The following MRC2 variants were observed in gnomAD, a reference collection of about 807,000 sequenced individuals.
MRC2 encodes C-type mannose receptor 2.
Under a neutral mutation model 206.2 loss-of-function variants are expected in MRC2, and 84 were observed. The ratio of observed to expected loss-of-function variants is 0.41; its 90% CI spans 0.34 to 0.49. The LOEUF is 0.49. Ranked by LOEUF, MRC2 falls within the 20% of genes least tolerant of loss-of-function variation. The pLI is 0.31. For missense variants in MRC2, 1,676 were observed against 2,001.5 expected (o/e 0.84, Z 3.10); for synonymous variants, 798 against 800.0 (o/e 1.00, Z 0.04).
At chr17:62,668,595 A>G (rs1173904227) in intron 6 of MRC2, among the ~76,000 whole-genome samples, 1 of 152,120 alleles carries the variant, frequency 6.6e-6, no homozygotes, top group Non-Finnish European at 1.5e-5. Flanking sequence ...CAGATGATTC[A>G]TGTGCAGACA....
intron 1 of MRC2, among the ~76,000 whole-genome samples, chr17:62,635,944 C>T (rs1232125054): frequency 3.9e-5 from 6 of 152,014 alleles, no homozygotes; most frequent in Non-Finnish European, 7.4e-5. Flanking sequence ...CCCGCCACCA[C>T]GCCCGGCTAA....
intron 18 of MRC2, 145 bp downstream of exon 18, chr17:62,681,274 T>C: frequency 1.1e-6 from 1 of 939,418 alleles, no homozygotes; most frequent in South Asian, 1.7e-5. Context: ...TTTCTGGGCC[T>C]TGGTTTTCTC....
intron 1 of MRC2, among the ~76,000 whole-genome samples, chr17:62,635,191 C>CTTT (rs35446845): frequency 0.029 from 2,985 of 101,648 alleles, 218 homozygotes; most frequent in African/African-American, 0.11. Flanking sequence ...CTATTTTTCT[C>CTTT]TTTTTTTTTT....
At chr17:62,650,858 C>T (rs187336746) in intron 1 of MRC2, among the ~76,000 whole-genome samples, 7 of 152,156 alleles carry the variant, frequency 4.6e-5, no homozygotes, top group South Asian at 2.1e-4. Flanking sequence ...ATTTCATTGT[C>T]GGTATTGACG....
At chr17:62,644,650 T>A (rs189254773) in intron 1 of MRC2, among the ~76,000 whole-genome samples, 8 of 152,286 alleles carry the variant, frequency 5.3e-5, no homozygotes, top group Admixed American at 4.6e-4. Context: ...TTGTGTCCTG[T>A]TCCCAGTACC....
chr17:62,642,368 C>CCAAAAGGGA (rs2088417073), intron 1 of MRC2, among the ~76,000 whole-genome samples: 1 of 152,210 alleles, frequency 6.6e-6, no homozygotes, highest in Non-Finnish European at 1.5e-5. Flanking sequence ...CATTCTGTCA[C>CCAAAAGGGA]ACCAATGTCA....
chr17:62,629,863 A>T (rs2084202519), intron 1 of MRC2, among the ~76,000 whole-genome samples: 1 of 152,220 alleles, frequency 6.6e-6, no homozygotes, highest in Non-Finnish European at 1.5e-5. Flanking sequence ...GGCGAGGCTT[A>T]TGCCAGGCAG....
At chr17:62,665,251 T>A (rs2088735652) in intron 2 of MRC2, among the ~76,000 whole-genome samples, 3 of 151,744 alleles carry the variant, frequency 2.0e-5, no homozygotes, top group Admixed American at 2.0e-4. Context: ...AATTCAAAAA[T>A]TAGCCAGGTG....
At chr17:62,629,080 C>G (rs918360812) in intron 1 of MRC2, among the ~76,000 whole-genome samples, 1 of 152,228 alleles carries the variant, frequency 6.6e-6, no homozygotes, top group Non-Finnish European at 1.5e-5. Flanking sequence ...CCGGAGACCC[C>G]CGGGGCAATT....
chr17:62,646,145 C>T (rs535992629), intron 1 of MRC2, among the ~76,000 whole-genome samples: 1 of 151,916 alleles, frequency 6.6e-6, no homozygotes, highest in Non-Finnish European at 1.5e-5. Context: ...CTGCCTCAGC[C>T]TCCCAAGTAG....
intron 18 of MRC2, 85 bp from the exon 19 acceptor site, chr17:62,681,752 C>A (rs1598994069): frequency 2.8e-6 from 3 of 1,065,078 alleles, no homozygotes; most frequent in Non-Finnish European, 4.2e-6. Context: ...TCCCTGCCCC[C>A]ATTCCTGCGG....
At chr17:62,678,426 TGGTG>T in intron 12 of MRC2, 74 bp from the exon 13 acceptor site, 1 of 1,548,490 alleles carries the variant, frequency 6.5e-7, no homozygotes, top group Non-Finnish European at 8.7e-7. Context: ...TCCTCTGCCA[TGGTG>T]GGAAAGGCAG....
chr17:62,681,976 G>A lies in MRC2; in HGVS notation c.2803+39G>A, dbSNP rs2088973663. The A allele has an allele frequency of 5.8e-6, 9 of 1,558,516 alleles. No homozygotes were observed. The Admixed American group carries it at 1.4e-4, about 24-fold the overall frequency. On this transcript the variant is annotated intron_variant, in intron 19 of 29. Coordinates refer to ENST00000303375, the MANE Select transcript of MRC2 (RefSeq NM_006039.5). ...GGGGGCAGAGTGCGCAGTCAGCTGTGCAAAGGGTTAATGCTGGGCGAGCCT... is the reference window on the plus strand; with the variant it reads ...GGGGGCAGAGTGCGCAGTCAGCTGTACAAAGGGTTAATGCTGGGCGAGCCT...
chr17:62,655,222 C>G (rs908732993), intron 1 of MRC2, among the ~76,000 whole-genome samples: 1 of 148,994 alleles, frequency 6.7e-6, no homozygotes, highest in Admixed American at 6.8e-5. Context: ...AGGGGTGGAG[C>G]CTGCAGTGAG....
intron 1 of MRC2, among the ~76,000 whole-genome samples, chr17:62,631,939 C>T (rs1200912972): frequency 1.3e-5 from 2 of 152,170 alleles, no homozygotes; most frequent in African/African-American, 2.4e-5. Flanking sequence ...GACCTCCCCA[C>T]CGTGTCTCCA....
intron 20 of MRC2, among the ~76,000 whole-genome samples, chr17:62,688,013 G>C (rs543496778): frequency 6.6e-6 from 1 of 152,300 alleles, no homozygotes; most frequent in South Asian, 2.1e-4. Flanking sequence ...CTAGTGCTTG[G>C]CCTAGGCACT....
rs1336908308 is a variant in MRC2 at position 62,666,673 on chromosome 17, G to T, written c.859+54G>T. 2 of 1,552,632 alleles carry T rather than the reference G, an allele frequency of 1.3e-6. No homozygotes were observed. Among genetic ancestry groups the T allele is most frequent in the Non-Finnish European group, 1.7e-6 (2 of 1,147,368 alleles). On this transcript the variant is annotated intron_variant, in intron 4 of 29. Transcript: ENST00000303375. The surrounding 1 kb of genome is among the most constrained non-coding windows in gnomAD (Gnocchi z 5.0). ...CCTCTGGAGGGCCCGGGCCCTTTCC[G>T]CTTGTGGGTTGGGGAGAGGGCGATG... is the stretch of plus-strand genomic sequence containing the variant.
rs2088883068 is a variant in MRC2 at position 62,675,737 on chromosome 17, G to A, written c.1570-53G>A. ...CCCACCACAGGATTTATGGGTGAGG[G>A]TGGAGAGTCATCTTCCCTACAGACA... On this transcript the variant is annotated intron_variant, in intron 9 of 29. Coordinates refer to ENST00000303375, the MANE Select transcript of MRC2 (RefSeq NM_006039.5). This position sits in a 1 kb window ranked among gnomAD's most constrained non-coding sequence, Gnocchi z 4.1. The A allele has an allele frequency of 7.2e-7, 1 of 1,387,806 alleles. No homozygotes were observed. The allele number at this position is 1,387,806 out of a possible 1,614,324, so 86.0% of individuals were successfully genotyped here.
In MRC2 at chr17:62,680,526, G is replaced by A; in HGVS notation, c.2473+73G>A. 1 of 1,585,124 alleles carries A rather than the reference G, an allele frequency of 6.3e-7. No homozygotes were observed. Among genetic ancestry groups the A allele is most frequent in the Non-Finnish European group, 8.6e-7 (1 of 1,157,120 alleles). On this transcript the variant is annotated intron_variant, in intron 16 of 29. Transcript: ENST00000303375. The surrounding 1 kb of genome is among the most constrained non-coding windows in gnomAD (Gnocchi z 4.8). ...GTCAACTCTGGGGTAAGTCCCGAGAGGCCTGAATGAAATGGAGGGGATGAG... is the reference window on the plus strand; with the variant it reads ...GTCAACTCTGGGGTAAGTCCCGAGAAGCCTGAATGAAATGGAGGGGATGAG...
Sources: gnomAD v4.1 joint callset for allele counts (sites outside exome capture counted in the v4.1 genomes callset) on GRCh38, gnomAD v4.1.1 for gene constraint, Gnocchi (gnomAD v3.1) non-coding constraint, MANE v1.5 for transcripts, NCBI Gene and HGNC (gene_info 2026-07-23, HGNC 2026-07-21) for gene names.